The following ESCO1 variants were observed in gnomAD, a reference collection of about 807,000 sequenced individuals.
ESCO1 encodes the protein N-acetyltransferase ESCO1.
ESCO1 carries 33 observed loss-of-function variants against 83.5 expected under a neutral mutation model. The ratio of observed to expected loss-of-function variants is 0.40; its 90% CI spans 0.30 to 0.53. ESCO1 has a LOEUF of 0.53. Among genes scored for constraint, ESCO1 ranks in the 20% least tolerant of loss-of-function variants. The pLI, the probability that ESCO1 is intolerant of heterozygous loss-of-function variation, is 0.63. For missense variants in ESCO1, 855 were observed against 968.0 expected, an observed-to-expected ratio of 0.88 and a Z score of 1.55; for synonymous variants, 332 against 324.3, an observed-to-expected ratio of 1.02 and a Z score of -0.25.
intron 6 of ESCO1, among the ~76,000 whole-genome samples, chr18:21,565,094 A>T (rs1489386490): frequency 6.6e-6 from 1 of 152,048 alleles, no homozygotes; most frequent in African/African-American, 2.4e-5. Context: ...TAATAATAAA[A>T]ATAAAGGGGG....
intron 8 of ESCO1, among the ~76,000 whole-genome samples, chr18:21,554,387 T>A (rs910359945): frequency 5.3e-5 from 8 of 152,188 alleles, no homozygotes; most frequent in African/African-American, 1.9e-4. Context: ...CAAGACATCC[T>A]GCAGTAGGTG....
In ESCO1 at chr18:21,530,269, G is replaced by C. The variant is rs2037749743; in HGVS notation, c.*74C>G. 1.9e-5 allele frequency: 25 copies of C among 1,338,872 alleles called. No homozygotes were observed. The South Asian group carries it at 4.4e-4, about 23-fold the overall frequency. The allele number at this position is 1,338,872 out of a possible 1,614,324, so 82.9% of individuals were successfully genotyped here. On this transcript the variant is annotated 3_prime_UTR_variant, in exon 12 of 12. Transcript: ENST00000269214. ...GTTCATTGTAATAAAAATGGCCCTAGTTCCTGGTTAAAGTCAGCAACCAAT... is the reference window on the plus strand; with the variant it reads ...GTTCATTGTAATAAAAATGGCCCTACTTCCTGGTTAAAGTCAGCAACCAAT...
intron 8 of ESCO1, among the ~76,000 whole-genome samples, chr18:21,544,253 G>A (rs1366208808): frequency 2.0e-5 from 3 of 150,056 alleles, no homozygotes; most frequent in Non-Finnish European, 3.0e-5. Flanking sequence ...CAGCCTGGGC[G>A]ACAGAGCGAG....
chr18:21,592,379 T>G (rs960372939), intron 1 of ESCO1, among the ~76,000 whole-genome samples: 1 of 4,094 alleles, frequency 2.4e-4, no homozygotes. Context: ...GGCGGGGGAC[T>G]GACCCCCCCC....
chr18:21,585,981 TAATC>T (rs1484095160), intron 1 of ESCO1, among the ~76,000 whole-genome samples: 1 of 152,216 alleles, frequency 6.6e-6, no homozygotes, highest in Non-Finnish European at 1.5e-5. Context: ...AACCACGTAA[TAATC>T]AAATCATGAT....
At chr18:21,573,256 G>A (rs1416703138) in intron 4 of ESCO1, 58 bp downstream of exon 4, 1 of 1,421,082 alleles carries the variant, frequency 7.0e-7, no homozygotes, top group African/African-American at 1.4e-5. Flanking sequence ...ATGTTATAAA[G>A]ACATTTCTTA....
intron 2 of ESCO1, among the ~76,000 whole-genome samples, chr18:21,581,136 C>G (rs1470291318): frequency 6.6e-6 from 1 of 151,948 alleles, no homozygotes; most frequent in African/African-American, 2.4e-5. Flanking sequence ...CATGGTGAAA[C>G]CCGGTATCTA....
chr18:21,554,471 T>G (rs2038087128), intron 8 of ESCO1, among the ~76,000 whole-genome samples: 2 of 152,030 alleles, frequency 1.3e-5, no homozygotes, highest in Admixed American at 1.3e-4. Flanking sequence ...TTCAAAGCCA[T>G]AAAAAGACAT....
intron 9 of ESCO1, among the ~76,000 whole-genome samples, chr18:21,538,287 TAA>T (rs34369531): frequency 0.16 from 19,315 of 124,488 alleles, 1,563 homozygotes; most frequent in Middle Eastern, 0.26. Context: ...CCCTGTCTCT[TAA>T]AAAAAAAAAA....
At position 21,557,389 on chromosome 18, in the gene ESCO1, ACTAT is replaced by A. The variant is rs373666163; in HGVS notation, c.1953+3466_1953+3469del. Reference sequence around the variant, plus strand: ...GTTGTACTGTTACCAATCATAGATGACTATCTATGTTCATTTTAAAAATCAAATC... The same window carrying A: ...GTTGTACTGTTACCAATCATAGATGACTATGTTCATTTTAAAAATCAAATC... On this transcript the variant is annotated intron_variant, in intron 8 of 11. Coordinates refer to ENST00000269214, the MANE Select transcript of ESCO1 (RefSeq NM_052911.3). Among the ~76,000 whole-genome samples the A allele has an allele frequency of 3.5e-4, 54 of 152,348 alleles. No individual in the cohort carries two copies. The South Asian group carries it at 7.7e-3, about 22-fold the overall frequency.
chr18:21,553,458 A>T (rs1352324471), intron 8 of ESCO1, among the ~76,000 whole-genome samples: 2 of 147,666 alleles, frequency 1.4e-5, no homozygotes, highest in African/African-American at 5.1e-5. Flanking sequence ...TTAAAAAAAA[A>T]AAAAAAAAAA....
At chr18:21,573,253 A>G in intron 4 of ESCO1, 61 bp downstream of exon 4, 2 of 1,418,250 alleles carry the variant, frequency 1.4e-6, no homozygotes, top group Non-Finnish European at 9.5e-7. Flanking sequence ...AAAATGTTAT[A>G]AAGACATTTC....
chr18:21,578,708 T>A (rs576522262), intron 2 of ESCO1, among the ~76,000 whole-genome samples: 77 of 151,538 alleles, frequency 5.1e-4, no homozygotes, highest in African/African-American at 1.7e-3. Flanking sequence ...AAAAAAAAAA[T>A]TTTTTTTGAG....
intron 10 of ESCO1, among the ~76,000 whole-genome samples, chr18:21,533,711 T>C (rs1215563173): frequency 6.6e-6 from 1 of 152,196 alleles, no homozygotes; most frequent in Non-Finnish European, 1.5e-5. Context: ...GAATAGAACC[T>C]TAAAAACACA....
chr18:21,588,462 G>T (rs57256748), intron 1 of ESCO1, among the ~76,000 whole-genome samples: 11,659 of 150,188 alleles, frequency 0.078, 1,480 homozygotes, highest in African/African-American at 0.27. Context: ...AAAAGAAAAA[G>T]AAATTGTATC....
intron 1 of ESCO1, among the ~76,000 whole-genome samples, chr18:21,585,141 A>T (rs1598477474): frequency 2.5e-3 from 1 of 402 alleles, no homozygotes; most frequent in Non-Finnish European, 0.033. Context: ...ACTCCATCTC[A>T]AAAAAAAAAA....
intron 8 of ESCO1, among the ~76,000 whole-genome samples, chr18:21,557,516 C>T (rs1473897822): frequency 2.6e-5 from 4 of 152,302 alleles, no homozygotes; most frequent in Middle Eastern, 3.4e-3. Flanking sequence ...TGATTTATTG[C>T]TTTAATAGTT....
At chr18:21,596,708 G>A (rs2038772709) in intron 1 of ESCO1, among the ~76,000 whole-genome samples, 1 of 152,154 alleles carries the variant, frequency 6.6e-6, no homozygotes, top group Non-Finnish European at 1.5e-5. Flanking sequence ...GATGGCAGGT[G>A]CCTGTAATCC....
intron 8 of ESCO1, among the ~76,000 whole-genome samples, chr18:21,560,471 T>C (rs1022936596): frequency 5.9e-5 from 9 of 151,972 alleles, no homozygotes; most frequent in Non-Finnish European, 1.2e-4. Flanking sequence ...ATAATACCTA[T>C]CACGATCAAT....
Sources: gnomAD v4.1 joint callset for allele counts (sites outside exome capture counted in the v4.1 genomes callset) on GRCh38, gnomAD v4.1.1 for gene constraint, MANE v1.5 for transcripts, NCBI Gene and HGNC (gene_info 2026-07-23, HGNC 2026-07-21) for gene names.